UNC5D: variants seen among roughly 807,000 people sequenced by gnomAD.
UNC5D encodes the protein unc-5 netrin receptor D.
A neutral mutation model predicts 105.4 loss-of-function variants in UNC5D; 39 were observed. That is an observed-to-expected ratio of 0.37 (90% CI 0.29 to 0.48). UNC5D has a LOEUF of 0.48. Among genes scored for constraint, UNC5D ranks in the 20% least tolerant of loss-of-function variants. The probability of loss-of-function intolerance (pLI) is 0.98; values close to 1 mark genes in which losing one functional copy is unlikely to be tolerated. For synonymous variants in UNC5D, 452 were observed against 450.4 expected (o/e 1.00, Z -0.04); for missense variants, 991 against 1,202.4 (o/e 0.82, Z 2.60).
intron 7 of UNC5D, among the ~76,000 whole-genome samples, chr8:35,690,247 A>G (rs1033143960): frequency 1.3e-5 from 2 of 152,200 alleles, no homozygotes; most frequent in Non-Finnish European, 2.9e-5. Context: ...ATATATTTGC[A>G]TATCAGTGGG....
intron 1 of UNC5D, among the ~76,000 whole-genome samples, chr8:35,458,970 A>G (rs1281943618): frequency 1.3e-5 from 2 of 152,168 alleles, no homozygotes; most frequent in Admixed American, 6.6e-5. Flanking sequence ...ATCTAAGTAT[A>G]AAAACAACTT....
At position 35,573,386 on chromosome 8, in the gene UNC5D, G is replaced by T. The variant is rs187412289; in HGVS notation, c.466+5145G>T. Among the ~76,000 whole-genome samples, 80 of 152,100 alleles carry T rather than the reference G, an allele frequency of 5.3e-4. No homozygotes were observed. In the East Asian group the frequency reaches 0.014, roughly 27 times the overall value. On this transcript the variant is annotated intron_variant, in intron 3 of 16. Coordinates refer to ENST00000404895, the MANE Select transcript of UNC5D (RefSeq NM_080872.4). ...TGAGCCTAGGAGTTTTGGGGCTGTT[G>T]TCTGCTATGATCGCGCCTGTGAATA...
At chr8:35,253,750 A>G (rs111679488) in intron 1 of UNC5D, among the ~76,000 whole-genome samples, 7,881 of 151,936 alleles carry the variant, frequency 0.052, 240 homozygotes, top group African/African-American at 0.086. Context: ...CGGCCTCCCA[A>G]AATGCTGGGA....
At chr8:35,291,072 A>G (rs1196430462) in intron 1 of UNC5D, among the ~76,000 whole-genome samples, 2 of 152,170 alleles carry the variant, frequency 1.3e-5, no homozygotes. Flanking sequence ...CCTCAGACCA[A>G]TGCCCAGTAA....
chr8:35,540,820 T>G (rs1325737744), intron 1 of UNC5D, among the ~76,000 whole-genome samples: 1 of 152,168 alleles, frequency 6.6e-6, no homozygotes, highest in Non-Finnish European at 1.5e-5. Flanking sequence ...AAAACTTTTC[T>G]TTGTGGCCCT....
chr8:35,282,374 C>CAA (rs1380159708), intron 1 of UNC5D, among the ~76,000 whole-genome samples: 1 of 152,144 alleles, frequency 6.6e-6, no homozygotes, highest in Non-Finnish European at 1.5e-5. Flanking sequence ...TTGTAAGGAA[C>CAA]AATAAGCCAA....
At chr8:35,440,282 C>G (rs75855303) in intron 1 of UNC5D, among the ~76,000 whole-genome samples, 1 of 151,864 alleles carries the variant, frequency 6.6e-6, no homozygotes, top group African/African-American at 2.4e-5. Context: ...TTAAAGTCCC[C>G]GTTGTATCAT....
chr8:35,421,368 G>A (rs566755071), intron 1 of UNC5D, among the ~76,000 whole-genome samples: 1 of 152,238 alleles, frequency 6.6e-6, no homozygotes, highest in South Asian at 2.1e-4. Context: ...CGCCTGTATG[G>A]GGAAAGGGAG....
chr8:35,513,549 A>C (rs376156001), intron 1 of UNC5D, among the ~76,000 whole-genome samples: 3 of 152,138 alleles, frequency 2.0e-5, no homozygotes, highest in African/African-American at 4.8e-5. Context: ...TCAACAAGCT[A>C]TTCTAAGTTG....
At chr8:35,525,361 C>T (rs1813790238) in intron 1 of UNC5D, 6 of 1,612,074 alleles carry the variant, frequency 3.7e-6, no homozygotes, top group Non-Finnish European at 5.1e-6. Context: ...TCCATGACTA[C>T]GATGTTTTTT....
intron 1 of UNC5D, among the ~76,000 whole-genome samples, chr8:35,265,225 T>A (rs902635088): frequency 6.6e-6 from 1 of 152,226 alleles, no homozygotes. Flanking sequence ...CTGATGCTAT[T>A]ACTTAATCAT....
chr8:35,630,434 T>G (rs1180475378), intron 4 of UNC5D, among the ~76,000 whole-genome samples: 5 of 152,196 alleles, frequency 3.3e-5, no homozygotes, highest in Non-Finnish European at 7.3e-5. Flanking sequence ...GCCTGAGTTG[T>G]CCGGACTGGC....
chr8:35,657,076 GTGTGTATATATATATATATA>G (rs1283074222), intron 4 of UNC5D, among the ~76,000 whole-genome samples: 39 of 94,454 alleles, frequency 4.1e-4, no homozygotes, highest in African/African-American at 1.8e-3. Context: ...GTGTGTGTGT[GTGTGTATATATATATATATA>G]TATATATATA....
chr8:35,422,457 A>G lies in UNC5D; in HGVS notation c.104-126835A>G, dbSNP rs1193746537. Among the ~76,000 whole-genome samples the G allele has an allele frequency of 3.3e-5, 5 of 152,260 alleles. No individual in the cohort carries two copies. The East Asian group carries it at 9.6e-4, about 29-fold the overall frequency. On this transcript the variant is annotated intron_variant, in intron 1 of 16. Transcript: ENST00000404895. ...ATTGTCAGTGAATGTCTGGAAACTT[A>G]GCTGTCATACCTAGTAGGAGACCAC...
intron 1 of UNC5D, among the ~76,000 whole-genome samples, chr8:35,253,473 C>CTTTTTTTTTTTTTTTTTTTTTTTTT (rs58063448): frequency 1.0e-5 from 1 of 99,824 alleles, no homozygotes; most frequent in Non-Finnish European, 1.8e-5. Flanking sequence ...ATTTTATTTC[C>CTTTTTTTTTTTTTTTTTTTTTTTTT]TTTTTTTTTT....
intron 14 of UNC5D, among the ~76,000 whole-genome samples, chr8:35,760,833 G>C (rs911916698): frequency 6.6e-6 from 1 of 151,356 alleles, no homozygotes; most frequent in Non-Finnish European, 1.5e-5. Flanking sequence ...AACAAGCCTA[G>C]TCACAAAGAG....
chr8:35,475,781 T>C (rs1341103657), intron 1 of UNC5D, among the ~76,000 whole-genome samples: 3 of 152,202 alleles, frequency 2.0e-5, no homozygotes, highest in Non-Finnish European at 4.4e-5. Flanking sequence ...AGACTTTACT[T>C]ATGACCATAA....
intron 1 of UNC5D, among the ~76,000 whole-genome samples, chr8:35,442,297 T>C (rs1807459522): frequency 6.6e-6 from 1 of 151,856 alleles, no homozygotes; most frequent in Admixed American, 6.6e-5. Context: ...AATATATTTA[T>C]TGGAAGGAAA....
intron 3 of UNC5D, among the ~76,000 whole-genome samples, chr8:35,587,992 A>ATATATATATATATATATG (rs1818903460): frequency 7.0e-6 from 1 of 142,234 alleles, no homozygotes; most frequent in Admixed American, 7.1e-5. Context: ...ATATATATAT[A>ATATATATATATATATATG]TACTAATCCC....
Sources: gnomAD v4.1 joint callset for allele counts (sites outside exome capture counted in the v4.1 genomes callset) on GRCh38, gnomAD v4.1.1 for gene constraint, MANE v1.5 for transcripts, NCBI Gene and HGNC (gene_info 2026-07-23, HGNC 2026-07-21) for gene names.